ART3: variants seen among roughly 807,000 people sequenced by gnomAD.
ART3 encodes ecto-ADP-ribosyltransferase 3.
ART3 carries 49 observed loss-of-function variants against 48.5 expected under a neutral mutation model. The ratio of observed to expected loss-of-function variants is 1.01; its 90% confidence interval spans 0.80 to 1.28. The LOEUF (loss-of-function observed/expected upper bound fraction) is 1.28, where lower values mean the gene tolerates loss of function less well. Ranked by LOEUF, ART3 falls within the 50% of genes most tolerant of loss-of-function variation. The pLI is 0.00. For synonymous variants in ART3, 145 were observed against 157.2 expected (o/e 0.92, Z 0.58); for missense variants, 438 against 454.3 (o/e 0.96, Z 0.33).
intron 1 of ART3, among the ~76,000 whole-genome samples, chr4:76,055,725 TG>T (rs1170919065): frequency 1.9e-5 from 2 of 104,308 alleles, no homozygotes; most frequent in East Asian, 1.6e-3. Context: ...CTAGAGAAGG[TG>T]TCTAGAGCCC....
intron 1 of ART3, among the ~76,000 whole-genome samples, chr4:76,015,200 TA>T (rs1732153656): frequency 6.6e-6 from 1 of 152,168 alleles, no homozygotes; most frequent in South Asian, 2.1e-4. Flanking sequence ...CTATGTGAAT[TA>T]AAAAATGCAT....
chr4:76,077,709 G>T (rs983218051), intron 2 of ART3, among the ~76,000 whole-genome samples: 1 of 152,086 alleles, frequency 6.6e-6, no homozygotes, highest in East Asian at 1.9e-4. Flanking sequence ...CTTCTCTTGG[G>T]TGTACACCTA....
intron 1 of ART3, chr4:76,034,587 A>G (rs1734174486): frequency 1.7e-6 from 1 of 587,150 alleles, no homozygotes; most frequent in Non-Finnish European, 3.0e-6. Context: ...TCTGATTGTC[A>G]TTCATTCAGG....
At position 76,086,193 on chromosome 4, in the gene ART3, A is replaced by T. The variant is rs185441011; in HGVS notation, c.781+3658A>T. ...TCTGCACTCTCATGTTCACTGCAGCATTATTCACGGTAACCAAGATATAGA... is the reference window on the plus strand; with the variant it reads ...TCTGCACTCTCATGTTCACTGCAGCTTTATTCACGGTAACCAAGATATAGA... On this transcript the variant is annotated intron_variant, in intron 3 of 11. Transcript: ENST00000355810. 1.0e-3 allele frequency among the ~76,000 whole-genome samples: 152 copies of T among 152,224 alleles called. 5 individuals are homozygous for T. In the South Asian group the frequency reaches 0.029, roughly 29 times the overall value.
At chr4:76,087,497 A>C (rs184538537) in intron 3 of ART3, among the ~76,000 whole-genome samples, 2 of 152,178 alleles carry the variant, frequency 1.3e-5, no homozygotes, top group Non-Finnish European at 2.9e-5. Context: ...TGTAGTGAGA[A>C]TCTTGTTCCA....
intron 3 of ART3, among the ~76,000 whole-genome samples, chr4:76,089,810 G>A (rs1468182789): frequency 1.3e-5 from 2 of 151,990 alleles, no homozygotes; most frequent in East Asian, 3.9e-4. Flanking sequence ...GGCTGGGCGC[G>A]GTGGCTCACG....
At chr4:76,026,510 T>C (rs974184720) in intron 1 of ART3, among the ~76,000 whole-genome samples, 1 of 152,230 alleles carries the variant, frequency 6.6e-6, no homozygotes, top group African/African-American at 2.4e-5. Flanking sequence ...GACATGAGTA[T>C]TATTGTTTTC....
intron 1 of ART3, among the ~76,000 whole-genome samples, chr4:76,026,056 C>T (rs1233716314): frequency 1.3e-5 from 2 of 151,916 alleles, no homozygotes; most frequent in Non-Finnish European, 2.9e-5. Context: ...TATGATCTGG[C>T]TGCTACCTAT....
chr4:76,023,753 C>A (rs146711269), intron 1 of ART3, among the ~76,000 whole-genome samples: 1 of 152,274 alleles, frequency 6.6e-6, no homozygotes, highest in East Asian at 1.9e-4. Context: ...AAAAGAACTT[C>A]ATTGCATATA....
intron 3 of ART3, among the ~76,000 whole-genome samples, chr4:76,088,100 T>C (rs535515525): frequency 2.6e-5 from 4 of 152,010 alleles, no homozygotes; most frequent in African/African-American, 4.8e-5. Context: ...TATACCTCAA[T>C]TGGGAGGACG....
intron 1 of ART3, among the ~76,000 whole-genome samples, chr4:76,049,444 C>A (rs1735821601): frequency 1.3e-5 from 2 of 151,682 alleles, no homozygotes; most frequent in Admixed American, 1.3e-4. Context: ...GCATGGCTTT[C>A]CTCTCTGTCG....
At chr4:76,069,375 G>GTACTTAAT (rs138085704) in intron 1 of ART3, among the ~76,000 whole-genome samples, 15,556 of 137,606 alleles carry the variant, frequency 0.11, 1,299 homozygotes, top group East Asian at 0.33. Context: ...AAATGTATCA[G>GTACTTAAT]TACTTAATTC....
At chr4:76,099,612 G>C (rs1199849491) in intron 5 of ART3, 1 of 153,782 alleles carries the variant, frequency 6.5e-6, no homozygotes, top group East Asian at 1.9e-4. Flanking sequence ...AAATGAACCT[G>C]TGTGACTCCA....
chr4:76,045,677 A>G (rs1367085158), intron 1 of ART3, among the ~76,000 whole-genome samples: 2 of 152,008 alleles, frequency 1.3e-5, no homozygotes, highest in Non-Finnish European at 2.9e-5. Flanking sequence ...TGGAGCTTGT[A>G]CTAGAGCCTG....
At chr4:76,070,166 A>C (rs918578989), upstream of ART3, among the ~76,000 whole-genome samples, 2 of 25,184 alleles carry the variant, frequency 7.9e-5, no homozygotes, top group Non-Finnish European at 1.3e-4. Flanking sequence ...ATTTCTTTTA[A>C]GTATAATGAA....
At chr4:76,107,696 A>G in intron 10 of ART3, 65 bp from the exon 11 acceptor site, 4 of 1,158,724 alleles carry the variant, frequency 3.5e-6, no homozygotes, top group Non-Finnish European at 5.0e-6. Flanking sequence ...ATTTTTAATC[A>G]GATCTTTCTT....
At chr4:76,070,396 G>A (rs1445816957), upstream of ART3, among the ~76,000 whole-genome samples, 1 of 152,160 alleles carries the variant, frequency 6.6e-6, no homozygotes. Context: ...TGGATGTATA[G>A]TGGTTTTAAT....
intron 1 of ART3, among the ~76,000 whole-genome samples, chr4:76,030,560 G>T (rs1051813387): frequency 6.6e-6 from 1 of 152,164 alleles, no homozygotes; most frequent in Admixed American, 6.5e-5. Flanking sequence ...TCACAGTGCT[G>T]TGAAGCCATC....
At chr4:76,021,877 C>T in intron 1 of ART3, 1 of 1,554,254 alleles carries the variant, frequency 6.4e-7, no homozygotes, top group African/African-American at 1.4e-5. Flanking sequence ...GAGAGGCAGC[C>T]TCTGTGTGGT....
Sources: gnomAD v4.1 joint callset for allele counts (sites outside exome capture counted in the v4.1 genomes callset) on GRCh38, gnomAD v4.1.1 for gene constraint, MANE v1.5 for transcripts, NCBI Gene and HGNC (gene_info 2026-07-23, HGNC 2026-07-21) for gene names.